The following FBXL17 variants were observed in gnomAD, a reference collection of about 807,000 sequenced individuals.
The protein encoded by FBXL17 is F-box and leucine rich repeat protein 17.
In FBXL17, 22 loss-of-function variants were observed where a neutral mutation model predicts 66.2. That is an observed-to-expected ratio of 0.33 (90% CI 0.24 to 0.47). The LOEUF is 0.47. Among genes scored for constraint, FBXL17 ranks in the 20% least tolerant of loss-of-function variants. The pLI is 1.00. For missense variants in FBXL17, 878 were observed against 948.2 expected, an observed-to-expected ratio of 0.93 and a Z score of 0.97; for synonymous variants, 474 against 400.5, an observed-to-expected ratio of 1.18 and a Z score of -2.19.
chr5:108,377,974 C>T (rs1749561207), intron 1 of FBXL17, among the ~76,000 whole-genome samples: 1 of 152,100 alleles, frequency 6.6e-6, no homozygotes, highest in Non-Finnish European at 1.5e-5. Flanking sequence ...TGTTATAAAC[C>T]ACAAGTCATT....
At chr5:108,146,092 C>T (rs911049878) in intron 6 of FBXL17, among the ~76,000 whole-genome samples, 5 of 151,890 alleles carry the variant, frequency 3.3e-5, no homozygotes, top group African/African-American at 1.2e-4. Context: ...ATTAGCTGGG[C>T]GTGATAGCGG....
At chr5:108,331,224 G>A (rs1357102187) in intron 4 of FBXL17, among the ~76,000 whole-genome samples, 3 of 152,014 alleles carry the variant, frequency 2.0e-5, no homozygotes, top group Non-Finnish European at 2.9e-5. Flanking sequence ...TCTAAGTACC[G>A]ACTATTCTTA....
At position 108,044,296 on chromosome 5, in the gene FBXL17, C is replaced by G. The variant is rs145447554; in HGVS notation, c.1746-23295G>C. ...AAAACATTCAATCTATCATCATTAACTATAATGTCAGTGGCAGTATTTTTT... is the reference window on the plus strand; with the variant it reads ...AAAACATTCAATCTATCATCATTAAGTATAATGTCAGTGGCAGTATTTTTT... On this transcript the variant is annotated intron_variant, in intron 6 of 8. Transcript: ENST00000542267. Among the ~76,000 whole-genome samples, 1,097 of 152,188 alleles carry G rather than the reference C, an allele frequency of 7.2e-3. 8 individuals are homozygous for G. The highest frequency in any genetic ancestry group is 0.023 in the African/African-American group (939 of 41,502).
chr5:108,067,540 C>T (rs898528241), intron 6 of FBXL17, among the ~76,000 whole-genome samples: 14 of 152,212 alleles, frequency 9.2e-5, no homozygotes, highest in Admixed American at 3.9e-4. Flanking sequence ...CTAGATTGTG[C>T]GGGCTATTTC....
intron 7 of FBXL17, among the ~76,000 whole-genome samples, chr5:107,978,080 G>A (rs1752654655): frequency 6.6e-6 from 1 of 151,758 alleles, no homozygotes; most frequent in African/African-American, 2.4e-5. Context: ...TCAGCCTGCA[G>A]TGGGACCCAG....
chr5:107,983,163 G>C (rs995981169), intron 7 of FBXL17, among the ~76,000 whole-genome samples: 2 of 152,104 alleles, frequency 1.3e-5, no homozygotes, highest in Non-Finnish European at 2.9e-5. Context: ...TTGCCCTGCT[G>C]TTTCCTCCAA....
chr5:108,039,268 T>A (rs1561380297), intron 6 of FBXL17, among the ~76,000 whole-genome samples: 7 of 151,990 alleles, frequency 4.6e-5, no homozygotes, highest in Admixed American at 3.9e-4. Context: ...TAAAGCAGTA[T>A]AAATTGAGGA....
At chr5:107,867,041 A>G (rs767463879) in intron 8 of FBXL17, among the ~76,000 whole-genome samples, 10 of 152,190 alleles carry the variant, frequency 6.6e-5, no homozygotes, top group Non-Finnish European at 1.5e-4. Flanking sequence ...TTTATTGAGT[A>G]CATTAAAAAA....
chr5:107,866,781 T>C (rs974681977), intron 8 of FBXL17, among the ~76,000 whole-genome samples: 1 of 152,184 alleles, frequency 6.6e-6, no homozygotes, highest in African/African-American at 2.4e-5. Flanking sequence ...GGGAAAATAT[T>C]TGACATCTGA....
chr5:108,031,848 CTG>C (rs573826334), intron 6 of FBXL17, among the ~76,000 whole-genome samples: 19 of 151,930 alleles, frequency 1.3e-4, no homozygotes, highest in Non-Finnish European at 2.6e-4. Context: ...TGCCAAAATT[CTG>C]TGTGTGTGTG....
chr5:107,871,118 A>G (rs1296620044), intron 8 of FBXL17, among the ~76,000 whole-genome samples: 1 of 151,520 alleles, frequency 6.6e-6, no homozygotes, highest in Non-Finnish European at 1.5e-5. Context: ...TAAGACAGAT[A>G]CTGAGAATGC....
intron 5 of FBXL17, among the ~76,000 whole-genome samples, chr5:108,196,744 GTTC>G (rs1312048263): frequency 6.6e-6 from 1 of 152,058 alleles, no homozygotes; most frequent in Non-Finnish European, 1.5e-5. Context: ...TGCTTTTAAA[GTTC>G]TTCTATTTGA....
At chr5:107,985,473 G>C (rs1208063571) in intron 7 of FBXL17, among the ~76,000 whole-genome samples, 1 of 151,598 alleles carries the variant, frequency 6.6e-6, no homozygotes, top group East Asian at 1.9e-4. Flanking sequence ...TCTGCTGAAA[G>C]CTTGTCAGAG....
chr5:108,083,298 T>G (rs574496771), intron 6 of FBXL17, among the ~76,000 whole-genome samples: 1 of 151,574 alleles, frequency 6.6e-6, no homozygotes, highest in Admixed American at 6.6e-5. Flanking sequence ...TCTTTTATCA[T>G]GCACAGAGGA....
At chr5:108,048,193 G>T (rs1747330315) in intron 6 of FBXL17, among the ~76,000 whole-genome samples, 1 of 152,148 alleles carries the variant, frequency 6.6e-6, no homozygotes, top group South Asian at 2.1e-4. Flanking sequence ...ACAAACTGAA[G>T]CAGCCCTACA....
At chr5:108,289,582 T>C (rs1347797190) in intron 4 of FBXL17, among the ~76,000 whole-genome samples, 1 of 152,084 alleles carries the variant, frequency 6.6e-6, no homozygotes, top group African/African-American at 2.4e-5. Context: ...AGATGCAAAA[T>C]GCATGGTGTC....
chr5:107,938,766 A>G (rs1454837884), intron 7 of FBXL17, among the ~76,000 whole-genome samples: 1 of 152,148 alleles, frequency 6.6e-6, no homozygotes, highest in East Asian at 1.9e-4. Context: ...TATCTTCTAG[A>G]AAACAGCCAG....
At chr5:108,211,132 C>G (rs1191143777) in intron 5 of FBXL17, among the ~76,000 whole-genome samples, 2 of 152,100 alleles carry the variant, frequency 1.3e-5, no homozygotes, top group Non-Finnish European at 2.9e-5. Context: ...ACTATTGCAA[C>G]TCCTGCTTTT....
chr5:108,013,810 C>T (rs1032859568), intron 7 of FBXL17, among the ~76,000 whole-genome samples: 8 of 152,134 alleles, frequency 5.3e-5, no homozygotes, highest in African/African-American at 1.9e-4. Context: ...TCCACATCCT[C>T]CCTCAGATAT....
Sources: allele counts gnomAD v4.1 joint callset (sites outside exome capture counted in the v4.1 genomes callset), GRCh38; gene constraint gnomAD v4.1.1; transcripts MANE v1.5; gene names NCBI Gene and HGNC (gene_info 2026-07-23, HGNC 2026-07-21).